The following AGMO variants were observed in gnomAD, a reference collection of about 807,000 sequenced individuals.
AGMO encodes glyceryl-ether monooxygenase.
In AGMO, 75 loss-of-function variants were observed where a neutral mutation model predicts 60.2. The ratio of observed to expected loss-of-function variants is 1.25; its 90% CI spans 1.03 to 1.51. AGMO has a LOEUF of 1.51. Among genes scored for constraint, AGMO ranks in the 40% most tolerant of loss-of-function variants. The pLI, the probability that AGMO is intolerant of heterozygous loss-of-function variation, is 0.00. For missense variants in AGMO, 763 were observed against 525.5 expected, an observed-to-expected ratio of 1.45 and a Z score of -4.42; for synonymous variants, 261 against 177.1, an observed-to-expected ratio of 1.47 and a Z score of -3.76.
intron 12 of AGMO, among the ~76,000 whole-genome samples, chr7:15,318,618 C>G (rs1021886147): frequency 2.6e-5 from 4 of 152,122 alleles, no homozygotes; most frequent in Non-Finnish European, 5.9e-5. Flanking sequence ...GGATCTAATA[C>G]TCTTCCAGCC....
intron 12 of AGMO, among the ~76,000 whole-genome samples, chr7:15,364,848 G>A (rs772731428): frequency 1.3e-5 from 2 of 152,012 alleles, no homozygotes; most frequent in East Asian, 1.9e-4. Flanking sequence ...TGGTGATGTT[G>A]GCAGGTGTCT....
At chr7:15,188,191 C>G in the AGMO span, among the ~76,000 whole-genome samples, 1 of 152,162 alleles carries the variant, frequency 6.6e-6, no homozygotes, top group Non-Finnish European at 1.5e-5. Context: ...ATTGACCTTT[C>G]TGAAGCCCCA....
At chr7:15,343,441 T>C (rs542042424) in intron 12 of AGMO, among the ~76,000 whole-genome samples, 1 of 152,256 alleles carries the variant, frequency 6.6e-6, no homozygotes, top group South Asian at 2.1e-4. Flanking sequence ...AATCTTAGGA[T>C]TAAGAGATTT....
chr7:15,169,445 C>CT, the AGMO span, among the ~76,000 whole-genome samples: 47 of 150,566 alleles, frequency 3.1e-4, no homozygotes, highest in African/African-American at 6.3e-4. Context: ...TTCTTTCTTT[C>CT]TTTTTTTTTG....
intron 12 of AGMO, among the ~76,000 whole-genome samples, chr7:15,324,199 C>A (rs1781268101): frequency 6.6e-6 from 1 of 152,172 alleles, no homozygotes; most frequent in Non-Finnish European, 1.5e-5. Context: ...CCAGGCTCTG[C>A]TCACTCACTT....
intron 12 of AGMO, among the ~76,000 whole-genome samples, chr7:15,260,574 C>G (rs1783238638): frequency 6.6e-6 from 1 of 152,046 alleles, no homozygotes; most frequent in South Asian, 2.1e-4. Context: ...TAGTGGGGGA[C>G]TTTAATATTC....
chr7:15,244,591 C>G (rs1170968139), intron 12 of AGMO, among the ~76,000 whole-genome samples: 1 of 152,094 alleles, frequency 6.6e-6, no homozygotes, highest in Non-Finnish European at 1.5e-5. Flanking sequence ...ACCAGTACTT[C>G]TTTTCTGACT....
At chr7:15,408,977 G>T (rs1366061588) in intron 5 of AGMO, among the ~76,000 whole-genome samples, 1 of 150,592 alleles carries the variant, frequency 6.6e-6, no homozygotes, top group Admixed American at 6.7e-5. Context: ...GAAAAGAAGA[G>T]AAAATGCAAA....
chr7:15,349,811 A>G (rs571631314), intron 12 of AGMO, among the ~76,000 whole-genome samples: 2 of 152,236 alleles, frequency 1.3e-5, no homozygotes, highest in Admixed American at 6.6e-5. Context: ...ACCCCTTTTA[A>G]AACCATCAGG....
intron 12 of AGMO, among the ~76,000 whole-genome samples, chr7:15,203,369 C>CT (rs1358659850): frequency 2.0e-5 from 3 of 152,118 alleles, no homozygotes; most frequent in Non-Finnish European, 2.9e-5. Flanking sequence ...GATTCACATC[C>CT]TTTATCCTCT....
the AGMO span, among the ~76,000 whole-genome samples, chr7:15,160,453 G>C: frequency 6.6e-6 from 1 of 152,128 alleles, no homozygotes; most frequent in South Asian, 2.1e-4. Flanking sequence ...TTATTAACGA[G>C]AACTGTATAT....
In AGMO at chr7:15,500,091, C is replaced by T. The variant is rs370388066; in HGVS notation, c.409+44681G>A. On this transcript the variant is annotated intron_variant, in intron 3 of 12. Coordinates refer to ENST00000342526, the MANE Select transcript of AGMO (RefSeq NM_001004320.2). ...TGCTCTCTGAATGTACATTGTCTTA[C>T]AGTTTTGGTTTTGGATGCAAATTAT... Among the ~76,000 whole-genome samples the T allele has an allele frequency of 2.6e-5, 4 of 151,742 alleles. No homozygotes were observed. The East Asian group carries it at 7.7e-4, about 29-fold the overall frequency.
chr7:15,415,450 G>T (rs1562495683), intron 5 of AGMO, among the ~76,000 whole-genome samples: 1 of 151,986 alleles, frequency 6.6e-6, no homozygotes, highest in Non-Finnish European at 1.5e-5. Context: ...GGTTGAGGCA[G>T]AAGAATTGCT....
intron 10 of AGMO, among the ~76,000 whole-genome samples, chr7:15,384,816 T>TC (rs1783847019): frequency 1.3e-5 from 1 of 78,624 alleles, no homozygotes; most frequent in Non-Finnish European, 2.6e-5. Context: ...CCTGTTTTTC[T>TC]CTTTTTTTTT....
intron 3 of AGMO, among the ~76,000 whole-genome samples, chr7:15,496,808 T>C (rs140627948): frequency 1.3e-5 from 2 of 152,296 alleles, no homozygotes; most frequent in Non-Finnish European, 2.9e-5. Flanking sequence ...CAAAGCGCAC[T>C]TGCATTACCT....
the AGMO span, among the ~76,000 whole-genome samples, chr7:15,182,210 G>C: frequency 6.6e-6 from 1 of 152,136 alleles, no homozygotes; most frequent in African/African-American, 2.4e-5. Context: ...AGAGGGAAGT[G>C]GGGAGTTAGT....
chr7:15,199,860 T>C (rs1383534674), downstream of AGMO, among the ~76,000 whole-genome samples: 1 of 152,204 alleles, frequency 6.6e-6, no homozygotes, highest in African/African-American at 2.4e-5. Flanking sequence ...AATGTGTTGC[T>C]TTTTCATCAT....
intron 12 of AGMO, among the ~76,000 whole-genome samples, chr7:15,242,284 A>C (rs1782613375): frequency 6.6e-6 from 1 of 152,172 alleles, no homozygotes; most frequent in Admixed American, 6.5e-5. Flanking sequence ...GAACTCAAGA[A>C]GAATTAGAAG....
At chr7:15,424,279 C>T (rs893123344) in intron 4 of AGMO, among the ~76,000 whole-genome samples, 1 of 151,946 alleles carries the variant, frequency 6.6e-6, no homozygotes, top group Admixed American at 6.6e-5. Context: ...CTTTATATCC[C>T]CAATCTCTGC....
Sources: allele counts gnomAD v4.1 joint callset (sites outside exome capture counted in the v4.1 genomes callset), GRCh38; gene constraint gnomAD v4.1.1; transcripts MANE v1.5; gene names NCBI Gene and HGNC (gene_info 2026-07-23, HGNC 2026-07-21).